Variants in SDK2 observed in about 807,000 individuals in gnomAD.
The protein encoded by SDK2 is protein sidekick-2.
Under a neutral mutation model 253.9 loss-of-function variants are expected in SDK2, and 105 were observed. The observed-to-expected ratio is 0.41, with a 90% confidence interval of 0.35 to 0.49. The LOEUF (loss-of-function observed/expected upper bound fraction) is 0.49. SDK2 is among the 20% of genes least tolerant of loss of function. SDK2 has a pLI of 0.06. For missense variants in SDK2, 2,608 were observed against 3,003.0 expected (o/e 0.87, Z 3.07); for synonymous variants, 1,249 against 1,234.9 (o/e 1.01, Z -0.24).
chr17:73,457,164 T>C (rs768539356), intron 3 of SDK2, among the ~76,000 whole-genome samples: 3 of 152,106 alleles, frequency 2.0e-5, no homozygotes, highest in Non-Finnish European at 4.4e-5. Context: ...AAGCTTCTGA[T>C]TTCACTGGCG....
chr17:73,644,080 C>T lies in SDK2; in HGVS notation c.9G>A (p.Gly3=), dbSNP rs145194705. The T allele has an allele frequency of 6.0e-4, 924 of 1,550,816 alleles. 6 individuals carry two copies. In the African/African-American group the frequency reaches 0.011, roughly 19 times the overall value. The change falls in exon 1 of 45, where the codon GGG becomes GGA. Residue 3 remains glycine, a synonymous_variant. Transcript: ENST00000392650. The surrounding 1 kb of genome is among the most constrained non-coding windows in gnomAD (Gnocchi z 6.3). MW[G]LLIWTLLALH... is the part of the protein sequence containing the mutation. ...GAGCTAGCAGTGTCCAGATCAAAAG[C>T]CCCCACATGGTGACCAGCCTGGAGA...
At chr17:73,610,247 C>T (rs755264546) in intron 1 of SDK2, among the ~76,000 whole-genome samples, 2 of 152,136 alleles carry the variant, frequency 1.3e-5, no homozygotes, top group Non-Finnish European at 2.9e-5. Flanking sequence ...GGAGGAAACC[C>T]GTAGGTTTCA....
intron 1 of SDK2, among the ~76,000 whole-genome samples, chr17:73,515,771 T>A (rs750609463): frequency 1.3e-5 from 2 of 152,358 alleles, no homozygotes; most frequent in African/African-American, 2.4e-5. Context: ...TGGGAGAAGA[T>A]AAATTGGGTT....
intron 1 of SDK2, among the ~76,000 whole-genome samples, chr17:73,532,182 T>C (rs930762062): frequency 6.6e-6 from 1 of 152,090 alleles, no homozygotes; most frequent in Non-Finnish European, 1.5e-5. Context: ...CTAAATGTCC[T>C]ACAATGGACA....
intron 1 of SDK2, among the ~76,000 whole-genome samples, chr17:73,563,436 G>A (rs2045267606): frequency 6.6e-6 from 1 of 152,010 alleles, no homozygotes; most frequent in South Asian, 2.1e-4. Context: ...AAATTAGCTG[G>A]GTGCGGTGGC....
intron 1 of SDK2, among the ~76,000 whole-genome samples, chr17:73,628,803 G>C (rs2046234374): frequency 6.6e-6 from 1 of 152,212 alleles, no homozygotes; most frequent in African/African-American, 2.4e-5. Flanking sequence ...GGGCACACGA[G>C]AGGAAGTGTG....
intron 1 of SDK2, among the ~76,000 whole-genome samples, chr17:73,638,344 A>C (rs1002715404): frequency 2.0e-5 from 3 of 152,236 alleles, no homozygotes; most frequent in African/African-American, 7.2e-5. Flanking sequence ...CCAATAATAA[A>C]CAAACAAGTC....
At position 73,523,422 on chromosome 17, in the gene SDK2, G is replaced by A. The variant is rs984268918; in HGVS notation, c.65-15825C>T. ...CGTGGTTGTGATCTTATTTATTATA[G>A]AAGTGGTCTTTGCAGATGTAATCAA... On this transcript the variant is annotated intron_variant, in intron 1 of 44. Transcript: ENST00000392650. 3.3e-5 allele frequency among the ~76,000 whole-genome samples: 5 copies of A among 151,930 alleles called. No homozygotes were observed. In the South Asian group the frequency reaches 8.3e-4, roughly 25 times the overall value.
At chr17:73,622,151 C>A (rs1198409180) in intron 1 of SDK2, among the ~76,000 whole-genome samples, 1 of 152,226 alleles carries the variant, frequency 6.6e-6, no homozygotes, top group Non-Finnish European at 1.5e-5. Flanking sequence ...GCTCCAATTG[C>A]CCAAACTTCA....
chr17:73,344,473 G>T (rs2062465850), intron 44 of SDK2, among the ~76,000 whole-genome samples: 1 of 152,196 alleles, frequency 6.6e-6, no homozygotes, highest in Non-Finnish European at 1.5e-5. Flanking sequence ...GCTGGCTCTA[G>T]ATTTGAATCC....
At chr17:73,567,674 C>T (rs1340876298) in intron 1 of SDK2, among the ~76,000 whole-genome samples, 9 of 152,266 alleles carry the variant, frequency 5.9e-5, no homozygotes, top group Admixed American at 5.9e-4. Flanking sequence ...ACCCTCACAC[C>T]AGTGTGCCCA....
In SDK2 at chr17:73,431,720, C is replaced by T; in HGVS notation, c.1313-51G>A. On this transcript the variant is annotated intron_variant, in intron 10 of 44. Coordinates refer to ENST00000392650, the MANE Select transcript of SDK2 (RefSeq NM_001144952.2). This position sits in a 1 kb window ranked among gnomAD's most constrained non-coding sequence, Gnocchi z 5.6. ...AGCCTGTAGCCCCCAAGGGCACACC[C>T]TGCCCTTCCCTGGCCGCTCCAGGGC... 1 of 1,513,446 alleles carries T rather than the reference C, an allele frequency of 6.6e-7. No homozygotes were observed. The highest frequency in any genetic ancestry group is 8.8e-7 in the Non-Finnish European group (1 of 1,130,150). The allele number at this position is 1,513,446 out of a possible 1,614,324, so 93.8% of individuals were successfully genotyped here.
chr17:73,641,476 C>T (rs1388122427), intron 1 of SDK2, among the ~76,000 whole-genome samples: 1 of 152,170 alleles, frequency 6.6e-6, no homozygotes, highest in Non-Finnish European at 1.5e-5. Flanking sequence ...CCTCACTGCA[C>T]TTTGCTTGGG....
intron 1 of SDK2, among the ~76,000 whole-genome samples, chr17:73,558,957 C>A (rs2045186332): frequency 6.6e-6 from 1 of 152,130 alleles, no homozygotes. Flanking sequence ...CAGCCTGGCT[C>A]CCAGGACGTG....
chr17:73,449,407 C>T (rs996827641), intron 4 of SDK2, among the ~76,000 whole-genome samples: 8 of 152,066 alleles, frequency 5.3e-5, no homozygotes, highest in Non-Finnish European at 1.2e-4. Flanking sequence ...TAAACAGGCT[C>T]TCAAATAAAC....
chr17:73,442,568 T>C (rs1363666523), intron 5 of SDK2, among the ~76,000 whole-genome samples: 1 of 152,184 alleles, frequency 6.6e-6, no homozygotes, highest in African/African-American at 2.4e-5. Context: ...CTTGAACTTC[T>C]GACCTCAGAT....
chr17:73,370,704 T>C (rs1168858516), intron 36 of SDK2, among the ~76,000 whole-genome samples: 2 of 152,040 alleles, frequency 1.3e-5, no homozygotes, highest in Non-Finnish European at 2.9e-5. Flanking sequence ...ACTACATGAG[T>C]GCTACCACAC....
At chr17:73,422,455 G>A (rs777444731) in intron 14 of SDK2, 21 bp from the exon 15 acceptor site, 1 of 1,609,438 alleles carries the variant, frequency 6.2e-7, no homozygotes, top group Non-Finnish European at 8.5e-7. Flanking sequence ...AGTGAGTGGG[G>A]CAGAAGTGGG....
intron 2 of SDK2, among the ~76,000 whole-genome samples, chr17:73,492,361 G>C (rs1302488771): frequency 3.3e-5 from 5 of 152,158 alleles, no homozygotes; most frequent in Non-Finnish European, 7.4e-5. Flanking sequence ...CAGGCCCATG[G>C]TGTTTGAGTG....
Sources: allele counts gnomAD v4.1 joint callset (sites outside exome capture counted in the v4.1 genomes callset), GRCh38; gene constraint gnomAD v4.1.1; non-coding constraint Gnocchi (gnomAD v3.1); transcripts MANE v1.5; gene names NCBI Gene and HGNC (gene_info 2026-07-23, HGNC 2026-07-21).